CNTN6: variants seen among roughly 807,000 people sequenced by gnomAD.
CNTN6 encodes the protein contactin-6.
A neutral mutation model predicts 122.8 loss-of-function variants in CNTN6; 137 were observed. The observed-to-expected ratio is 1.12, with a 90% confidence interval of 0.97 to 1.29. The LOEUF is 1.29. Ranked by LOEUF, CNTN6 falls within the 50% of genes most tolerant of loss-of-function variation. The pLI, the probability that CNTN6 is intolerant of heterozygous loss-of-function variation, is 0.00. For missense variants in CNTN6, 1,634 were observed against 1,223.4 expected (o/e 1.34, Z -5.01); for synonymous variants, 570 against 426.0 (o/e 1.34, Z -4.16).
chr3:1,299,048 A>G (rs1696762915), intron 7 of CNTN6, among the ~76,000 whole-genome samples: 2 of 152,210 alleles, frequency 1.3e-5, no homozygotes, highest in African/African-American at 2.4e-5. Flanking sequence ...TTTGTTTTCT[A>G]TAGATGGAGT....
chr3:1,352,279 G>C, intron 11 of CNTN6, 45 bp from the exon 12 acceptor site: 1 of 1,436,694 alleles, frequency 7.0e-7, no homozygotes, highest in African/African-American at 1.4e-5. Flanking sequence ...TGATTTACCA[G>C]TGTTGAAGAG....
chr3:1,207,712 G>T (rs1240269109), intron 2 of CNTN6, among the ~76,000 whole-genome samples: 1 of 151,758 alleles, frequency 6.6e-6, no homozygotes, highest in African/African-American at 2.4e-5. Context: ...AAAGTTATCT[G>T]TTTTGTTCAT....
intron 2 of CNTN6, among the ~76,000 whole-genome samples, chr3:1,192,930 T>A: frequency 6.6e-6 from 1 of 152,270 alleles, no homozygotes; most frequent in South Asian, 2.1e-4. Context: ...AAAAATTCCA[T>A]GTGTGCAAGA....
chr3:1,096,277 G>A (rs1014060270), intron 1 of CNTN6, among the ~76,000 whole-genome samples: 2 of 152,066 alleles, frequency 1.3e-5, no homozygotes, highest in African/African-American at 2.4e-5. Context: ...GTGAGTGTGT[G>A]TATGGGTGTT....
chr3:1,186,659 G>A (rs1188650685), intron 2 of CNTN6, among the ~76,000 whole-genome samples: 2 of 151,968 alleles, frequency 1.3e-5, no homozygotes. Flanking sequence ...TTTCTGAATC[G>A]GAAAGACAAC....
intron 21 of CNTN6, among the ~76,000 whole-genome samples, chr3:1,402,098 A>G (rs1389386345): frequency 6.6e-6 from 1 of 151,674 alleles, no homozygotes; most frequent in Non-Finnish European, 1.5e-5. Flanking sequence ...TAATAGGGAT[A>G]AATCTACTCT....
Position 1,352,372 on chromosome 3 carries a change from G to T in CNTN6, c.1413G>T (p.Arg471Ser), listed in dbSNP as rs753534300. ...DGSLKIYNIT[R>S]SDAGSYTCIA... ...GCCTCAAGATATATAATATTACCAG[G>T]TCAGATGCTGGATCATATACATGCA... Residue 471 changes from arginine to serine, a missense_variant, in exon 12 of 23, where the codon AGG becomes AGT. Coordinates refer to ENST00000446702, the MANE Select transcript of CNTN6 (RefSeq NM_001289080.2). 1 of 1,590,944 alleles carries T rather than the reference G, an allele frequency of 6.3e-7. No homozygotes were observed. The highest frequency in any genetic ancestry group is 1.7e-4 in the Middle Eastern group (1 of 5,942).
At chr3:1,268,149 C>A (rs1339326868) in intron 4 of CNTN6, among the ~76,000 whole-genome samples, 2 of 152,162 alleles carry the variant, frequency 1.3e-5, no homozygotes, top group African/African-American at 4.8e-5. Flanking sequence ...AGGCAAAGCC[C>A]AAGACTATGA....
intron 2 of CNTN6, among the ~76,000 whole-genome samples, chr3:1,209,780 A>G (rs1306481715): frequency 3.9e-5 from 6 of 152,180 alleles, no homozygotes; most frequent in Admixed American, 3.9e-4. Context: ...TTATACCTGA[A>G]TTAGTATTTT....
At chr3:1,345,118 A>G (rs1396851031) in intron 11 of CNTN6, among the ~76,000 whole-genome samples, 2 of 147,390 alleles carry the variant, frequency 1.4e-5, no homozygotes, top group Non-Finnish European at 3.0e-5. Flanking sequence ...ATGTACAATT[A>G]CTTTTTTTTT....
intron 4 of CNTN6, among the ~76,000 whole-genome samples, chr3:1,262,164 G>A (rs9863504): frequency 0.017 from 2,601 of 152,210 alleles, 66 homozygotes; most frequent in African/African-American, 0.056. Flanking sequence ...CAGATGTGCG[G>A]CATTAAACAT....
chr3:1,288,977 A>T (rs1694823095), intron 5 of CNTN6, among the ~76,000 whole-genome samples: 1 of 152,228 alleles, frequency 6.6e-6, no homozygotes, highest in Admixed American at 6.5e-5. Context: ...TGCTTCAGGA[A>T]GGACCAATTA....
At chr3:1,382,856 A>T (rs936061344) in intron 17 of CNTN6, 86 bp from the exon 18 acceptor site, 29 of 902,298 alleles carry the variant, frequency 3.2e-5, no homozygotes, top group Admixed American at 2.3e-4. Context: ...TCTCTATGGA[A>T]GAAATGTGAA....
At chr3:1,193,780 TCAATCATCATTG>T (rs2093735709) in intron 2 of CNTN6, among the ~76,000 whole-genome samples, 1 of 152,162 alleles carries the variant, frequency 6.6e-6, no homozygotes, top group Non-Finnish European at 1.5e-5. Context: ...ACATCAGATT[TCAATCATCATTG>T]CCTTCCCACT....
chr3:1,166,603 T>C (rs988480244), intron 2 of CNTN6, among the ~76,000 whole-genome samples: 5 of 152,150 alleles, frequency 3.3e-5, no homozygotes, highest in African/African-American at 4.8e-5. Context: ...ACAGCACTTA[T>C]CTATCAGTAG....
At chr3:1,241,175 C>G (rs2094478003) in intron 4 of CNTN6, among the ~76,000 whole-genome samples, 1 of 152,092 alleles carries the variant, frequency 6.6e-6, no homozygotes, top group Non-Finnish European at 1.5e-5. Flanking sequence ...TTCAGGCCAT[C>G]TGGATGTATA....
chr3:1,103,095 G>C (rs1160114705), intron 1 of CNTN6, among the ~76,000 whole-genome samples: 1 of 152,090 alleles, frequency 6.6e-6, no homozygotes. Context: ...GACAGAGCCA[G>C]ACTCCGTCTC....
At position 1,321,645 on chromosome 3, in the gene CNTN6, T is replaced by G; in HGVS notation, c.762-5T>G. The stretch of plus-strand genomic sequence containing the variant: ...CTTCTATTCTAATGAGGTGTAACTG[T>G]TTAGTCCAGTCCCCGATATTAGTTG... On this transcript the variant is annotated splice_polypyrimidine_tract_variant and splice_region_variant and intron_variant, in intron 7 of 22. Coordinates refer to ENST00000446702, the MANE Select transcript of CNTN6 (RefSeq NM_001289080.2). 6.2e-7 allele frequency: 1 copy of G among 1,609,094 alleles called. No individual in the cohort carries two copies. Among genetic ancestry groups the G allele is most frequent in the Non-Finnish European group, 8.5e-7 (1 of 1,177,390 alleles).
rs1695688010 is a variant in CNTN6 at position 1,401,413 on chromosome 3, C to A, written c.2705-20C>A. Reference sequence around the variant, plus strand: ...TGAGCTAATTAACATTCATTTGGATCTTTGATTATCTCTTTAAAGCTCCAA... The same window carrying A: ...TGAGCTAATTAACATTCATTTGGATATTTGATTATCTCTTTAAAGCTCCAA... On this transcript the variant is annotated intron_variant, in intron 20 of 22. Coordinates refer to ENST00000446702, the MANE Select transcript of CNTN6 (RefSeq NM_001289080.2). 1 of 1,589,020 alleles carries A rather than the reference C, an allele frequency of 6.3e-7. No individual in the cohort carries two copies. The highest frequency in any genetic ancestry group is 1.3e-5 in the African/African-American group (1 of 74,212).
Sources: gnomAD v4.1 joint callset for allele counts (sites outside exome capture counted in the v4.1 genomes callset) on GRCh38, gnomAD v4.1.1 for gene constraint, MANE v1.5 for transcripts, NCBI Gene and HGNC (gene_info 2026-07-23, HGNC 2026-07-21) for gene names.